The following NELL2 variants were observed in gnomAD, a reference collection of about 807,000 sequenced individuals.
NELL2 encodes the protein protein kinase C-binding protein NELL2.
NELL2 carries 41 observed loss-of-function variants against 109.6 expected under a neutral mutation model. The observed-to-expected ratio is 0.37, with a 90% confidence interval of 0.29 to 0.49. The LOEUF is 0.49. Ranked by LOEUF, NELL2 falls within the 20% of genes least tolerant of loss-of-function variation. The pLI, the probability that NELL2 is intolerant of heterozygous loss-of-function variation, is 0.98. For missense variants in NELL2, 900 were observed against 1,008.3 expected (o/e 0.89, Z 1.45); for synonymous variants, 355 against 344.7 (o/e 1.03, Z -0.33).
intron 1 of NELL2, among the ~76,000 whole-genome samples, chr12:44,910,298 A>G (rs1945765275): frequency 6.6e-6 from 1 of 152,070 alleles, no homozygotes; most frequent in East Asian, 1.9e-4. Flanking sequence ...CCCATTAAAG[A>G]ATGGGCAAAA....
chr12:44,579,767 C>CT (rs1306491899), intron 15 of NELL2, among the ~76,000 whole-genome samples: 1 of 152,076 alleles, frequency 6.6e-6, no homozygotes, highest in Admixed American at 6.5e-5. Context: ...GAATATGAGA[C>CT]TTTAATTCCT....
chr12:44,583,700 G>C (rs1944400914), intron 15 of NELL2, among the ~76,000 whole-genome samples: 1 of 152,180 alleles, frequency 6.6e-6, no homozygotes, highest in African/African-American at 2.4e-5. Context: ...AAGTGTTTTA[G>C]AAAATGCTTA....
At position 44,523,431 on chromosome 12, in the gene NELL2, A is replaced by T; in HGVS notation, c.1858T>A (p.Phe620Ile). ...RHSCANDTIC[F>I]NLDGGYDCRC... ...CAATCATATCCGCCATCCAAATTGA[A>T]GCAAATGGTATCATTGGCACAGCTG... is the stretch of plus-strand genomic sequence containing the variant. Residue 620 changes from phenylalanine (F) to isoleucine (I), a missense_variant, in exon 17 of 20, where the codon TTC (phenylalanine) becomes ATC (isoleucine). Phe to Ile is a conservative substitution (Grantham distance 21). Around this residue, in one of 4 missense-constraint regions of NELL2, gnomAD observed 333 missense variants for 432.3 expected, o/e 0.77. Transcript: ENST00000429094. The T allele has an allele frequency of 6.2e-7, 1 of 1,614,116 alleles. No individual in the cohort carries two copies. Among genetic ancestry groups the T allele is most frequent in the Non-Finnish European group, 8.5e-7 (1 of 1,180,018 alleles).
chr12:44,520,809 G>C (rs1223011059), intron 18 of NELL2, among the ~76,000 whole-genome samples: 1 of 151,858 alleles, frequency 6.6e-6, no homozygotes, highest in Non-Finnish European at 1.5e-5. Flanking sequence ...GTGTGAATTG[G>C]ATCTTTTTAA....
At chr12:44,624,566 T>C (rs1232655724) in intron 13 of NELL2, among the ~76,000 whole-genome samples, 1 of 152,002 alleles carries the variant, frequency 6.6e-6, no homozygotes, top group Non-Finnish European at 1.5e-5. Context: ...AGGTTCCCTC[T>C]TGTAATGTTA....
intron 13 of NELL2, among the ~76,000 whole-genome samples, chr12:44,618,254 C>T (rs566780422): frequency 9.2e-5 from 14 of 152,308 alleles, no homozygotes; most frequent in African/African-American, 3.4e-4. Context: ...TTCTTGTTCA[C>T]TGACCACACC....
chr12:44,576,792 G>A (rs763092984), intron 15 of NELL2, among the ~76,000 whole-genome samples: 24 of 151,640 alleles, frequency 1.6e-4, no homozygotes, highest in Admixed American at 6.6e-4. Flanking sequence ...GAGAATATGC[G>A]GTGTTTGGTT....
intron 13 of NELL2, among the ~76,000 whole-genome samples, chr12:44,659,197 A>G (rs1156746338): frequency 6.6e-6 from 1 of 152,158 alleles, no homozygotes; most frequent in Non-Finnish European, 1.5e-5. Context: ...TACAAAAAGT[A>G]AGATGGATTA....
At chr12:44,613,318 A>AT (rs1170659605) in intron 13 of NELL2, among the ~76,000 whole-genome samples, 1 of 152,016 alleles carries the variant, frequency 6.6e-6, no homozygotes, top group Non-Finnish European at 1.5e-5. Context: ...TTTAGACCAG[A>AT]TTTTTGTATT....
rs1006987977 is a variant in NELL2, at chr12:44,875,634, C to T, written c.55+181G>A. On this transcript the variant is annotated intron_variant, in intron 1 of 19. Transcript: ENST00000429094. ...CCTGGACTAGGGGCGTGATCCGCCT[C>T]GCGGTCTCCAAGGCAAGCACAGAAA... 3.7e-6 allele frequency: 6 copies of T among 1,605,418 alleles called. No individual in the cohort carries two copies. In the African/African-American group the frequency reaches 5.4e-5, roughly 14 times the overall value.
intron 15 of NELL2, among the ~76,000 whole-genome samples, chr12:44,534,643 A>G (rs1942220242): frequency 1.3e-5 from 2 of 152,116 alleles, no homozygotes; most frequent in Admixed American, 6.6e-5. Flanking sequence ...TCTAACCGCA[A>G]TGATGTAGAG....
At chr12:44,784,171 T>C (rs1281857913) in intron 3 of NELL2, among the ~76,000 whole-genome samples, 2 of 152,066 alleles carry the variant, frequency 1.3e-5, no homozygotes, top group African/African-American at 4.8e-5. Context: ...CTCAACCTAA[T>C]AAAAAGCAAC....
intron 9 of NELL2, among the ~76,000 whole-genome samples, chr12:44,762,442 C>A (rs1417701672): frequency 6.6e-6 from 1 of 152,188 alleles, no homozygotes; most frequent in East Asian, 1.9e-4. Context: ...TAATCATTTC[C>A]CATAACTTCC....
At chr12:44,569,437 TG>T (rs1408341423) in intron 15 of NELL2, among the ~76,000 whole-genome samples, 2 of 152,168 alleles carry the variant, frequency 1.3e-5, no homozygotes, top group African/African-American at 4.8e-5. Flanking sequence ...TTTCTGTTTT[TG>T]GGTCTTTGAG....
At chr12:44,921,684 G>A (rs913092838) in intron 1 of NELL2, 2 of 152,196 alleles carry the variant, frequency 1.3e-5, no homozygotes, top group Admixed American at 6.5e-5. Context: ...ACACAAGGTG[G>A]TGTTTGATAG....
In NELL2 at chr12:44,835,328, A is replaced by G. The variant is rs550296976; in HGVS notation, c.185-19192T>C. On this transcript the variant is annotated intron_variant, in intron 2 of 19. Coordinates refer to ENST00000429094, the MANE Select transcript of NELL2 (RefSeq NM_001145108.2). ...TTATTCAGTGGCTTCTGGGGGGAAAAATCATTAATGTGTTGGTTCCTTTCA... is the reference window on the plus strand; with the variant it reads ...TTATTCAGTGGCTTCTGGGGGGAAAGATCATTAATGTGTTGGTTCCTTTCA... 2.0e-5 allele frequency among the ~76,000 whole-genome samples: 3 copies of G among 152,316 alleles called. No individual in the cohort carries two copies. In the East Asian group the frequency reaches 5.8e-4, roughly 29 times the overall value.
chr12:44,534,419 C>T (rs1054080310), intron 15 of NELL2, among the ~76,000 whole-genome samples: 2 of 152,056 alleles, frequency 1.3e-5, no homozygotes, highest in African/African-American at 2.4e-5. Context: ...CAGTTACTAT[C>T]GGCAGTCATT....
At chr12:44,892,452 C>T (rs1592707580) in intron 1 of NELL2, among the ~76,000 whole-genome samples, 1 of 152,244 alleles carries the variant, frequency 6.6e-6, no homozygotes, top group East Asian at 1.9e-4. Flanking sequence ...TTTAAACAAT[C>T]ATCAAAAATA....
At chr12:44,620,646 C>G (rs1489253886) in intron 13 of NELL2, among the ~76,000 whole-genome samples, 1 of 152,032 alleles carries the variant, frequency 6.6e-6, no homozygotes, top group African/African-American at 2.4e-5. Flanking sequence ...CCTCCAAAAC[C>G]AGGAATCCAG....
Sources: allele counts gnomAD v4.1 joint callset (sites outside exome capture counted in the v4.1 genomes callset), GRCh38; gene constraint gnomAD v4.1.1; regional missense constraint gnomAD v4.1.1; transcripts MANE v1.5; gene names NCBI Gene and HGNC (gene_info 2026-07-23, HGNC 2026-07-21).